GUSB: variants seen among roughly 807,000 people sequenced by gnomAD.
GUSB encodes the protein glucuronidase beta, also known as beta-glucuronidase.
Under a neutral mutation model 74.6 loss-of-function variants are expected in GUSB, and 51 were observed. The ratio of observed to expected loss-of-function variants is 0.68; its 90% CI spans 0.55 to 0.86. The LOEUF is 0.86. Ranked by LOEUF, GUSB falls within the 40% of genes least tolerant of loss-of-function variation. The pLI is 0.00. For synonymous variants in GUSB, 360 were observed against 348.3 expected (o/e 1.03, Z -0.37); for missense variants, 736 against 853.7 (o/e 0.86, Z 1.72).
At position 65,979,886 on chromosome 7, in the gene GUSB, T is replaced by C; in HGVS notation, c.422A>G (p.Glu141Gly). 2 of 1,607,714 alleles carry C rather than the reference T, an allele frequency of 1.2e-6. No homozygotes were observed. Among genetic ancestry groups the C allele is most frequent in the Non-Finnish European group, 1.7e-6 (2 of 1,178,114 alleles). The stretch of plus-strand genomic sequence containing the variant: ...GAAGGGGAGGTAGCCCCCCTCATGC[T>C]CTAGCGTGTCGACCCCATTCACCCA... ...IVWVNGVDTL[E>G]HEGGYLPFEA... The change falls in exon 3 of 12, where the codon GAG (glutamate) becomes GGG (glycine). Residue 141 changes from glutamate to glycine, a missense_variant. Physicochemically the swap from Glu to Gly is moderately conservative, Grantham distance 98 (BLOSUM62 -2). This residue lies in a region of GUSB where 368 missense variants were observed against 363.8 expected (regional missense o/e 1.01). Coordinates refer to ENST00000304895, the MANE Select transcript of GUSB (RefSeq NM_000181.4).
rs2115796001 is a variant in GUSB, at chr7:65,960,824, G to A, written c.*73C>T. Reference sequence around the variant, plus strand: ...CTGGTCTGCCGTGAACAGTCCAGGAGGCACTTGTTCTGCTGCTGTGGAAGT... The same window carrying A: ...CTGGTCTGCCGTGAACAGTCCAGGAAGCACTTGTTCTGCTGCTGTGGAAGT... On this transcript the variant is annotated 3_prime_UTR_variant, in exon 12 of 12. Coordinates refer to ENST00000304895, the MANE Select transcript of GUSB (RefSeq NM_000181.4). 8.0e-7 allele frequency: 1 copy of A among 1,251,204 alleles called. No homozygotes were observed. The highest frequency in any genetic ancestry group is 1.2e-6 in the Non-Finnish European group (1 of 849,550). The allele number at this position is 1,251,204 out of a possible 1,614,324, so 77.5% of individuals were successfully genotyped here.
At chr7:65,971,637 C>G (rs1200086967) in intron 8 of GUSB, among the ~76,000 whole-genome samples, 1 of 151,578 alleles carries the variant, frequency 6.6e-6, no homozygotes, top group Non-Finnish European at 1.5e-5. Context: ...GAGGCTGAGG[C>G]AGAAGAATTG....
intron 4 of GUSB, among the ~76,000 whole-genome samples, chr7:65,977,071 G>A (rs896371878): frequency 1.3e-5 from 2 of 152,022 alleles, no homozygotes; most frequent in South Asian, 2.1e-4. Context: ...AATTCATCAC[G>A]GAAGACTCCC....
At chr7:65,970,952 A>T (rs1302547083) in intron 8 of GUSB, among the ~76,000 whole-genome samples, 2 of 151,728 alleles carry the variant, frequency 1.3e-5, no homozygotes, top group African/African-American at 4.8e-5. Context: ...TTTCTTCCCT[A>T]ACTTGAGATG....
At chr7:65,970,403 TCCAGGAATGGCTCAGACA>T in intron 8 of GUSB, 37 bp from the exon 9 acceptor site, 1 of 1,396,826 alleles carries the variant, frequency 7.2e-7, no homozygotes, top group Non-Finnish European at 1.0e-6. Context: ...GTTCCATCAG[TCCAGGAATGGCTCAGACA>T]CCCTCCCATC....
At chr7:65,979,986 T>C in intron 2 of GUSB, 75 bp from the exon 3 acceptor site, 2 of 1,237,134 alleles carry the variant, frequency 1.6e-6, no homozygotes, top group Non-Finnish European at 2.3e-6. Context: ...GGGCACTCCC[T>C]CACATAACCT....
intron 4 of GUSB, among the ~76,000 whole-genome samples, chr7:65,978,595 C>G (rs1358220490): frequency 2.6e-5 from 4 of 151,640 alleles, no homozygotes; most frequent in Non-Finnish European, 5.9e-5. Context: ...GAGTGAAACC[C>G]TGTCTCTACT....
In GUSB at chr7:65,974,581, C is replaced by T. The variant is rs890162716; in HGVS notation, c.1189G>A (p.Asp397Asn). 8.1e-6 allele frequency: 13 copies of T among 1,614,210 alleles called. No homozygotes were observed. Among genetic ancestry groups the T allele is most frequent in the Middle Eastern group, 1.6e-4 (1 of 6,062 alleles). Residue 397 changes from aspartate (D) to asparagine (N), a missense_variant, in exon 7 of 12, where the codon GAC (aspartate) becomes AAC (asparagine). Asp to Asn is a conservative substitution (Grantham distance 23, BLOSUM62 1). Coordinates refer to ENST00000304895, the MANE Select transcript of GUSB (RefSeq NM_000181.4). ...PYAEEVMQMC[D>N]RYGIVVIDEC... ...TCGATGACCACAATCCCATAGCGGT[C>T]ACACATCTGCATCACTTCCTCTGCA...
Position 65,966,604 on chromosome 7 carries a change from T to TA in GUSB, c.1653+1126dup, listed in dbSNP as rs1430807687. Among the ~76,000 whole-genome samples the TA allele has an allele frequency of 3.9e-5, 6 of 151,908 alleles. No individual in the cohort carries two copies. In the South Asian group the frequency reaches 1.0e-3, roughly 26 times the overall value. ...GGCCAGGAGTTCTAGACCAGCCTGA[T>TA]AGACTCCATCTTTACAAAAAAATTT... On this transcript the variant is annotated intron_variant, in intron 10 of 11. Coordinates refer to ENST00000304895, the MANE Select transcript of GUSB (RefSeq NM_000181.4).
At chr7:65,971,704 C>A (rs1019329218) in intron 8 of GUSB, among the ~76,000 whole-genome samples, 4 of 151,672 alleles carry the variant, frequency 2.6e-5, no homozygotes, top group Non-Finnish European at 5.9e-5. Flanking sequence ...TGCTCTCCAG[C>A]CTGGGCAACA....
chr7:65,964,428 G>A lies in GUSB; in HGVS notation c.1684C>T (p.Gln562Ter). The A allele has an allele frequency of 6.2e-7, 1 of 1,610,886 alleles. No individual in the cohort carries two copies. The change falls in exon 11 of 12, where the codon CAG becomes TAG. Residue 562 changes from glutamine to a stop codon, truncating the protein, a stop_gained. Transcript: ENST00000304895. LOFTEE classifies it high-confidence loss of function. ...TGGTACTGCTCTAGCAGACTTTTCT[G>A]GTACTCTTCAGTGAACATCAGAGGT... ...DPPLMFTEEY[Q>*]KSLLEQYHLG...
chr7:65,966,352 A>G (rs1790834460), intron 10 of GUSB, among the ~76,000 whole-genome samples: 1 of 152,114 alleles, frequency 6.6e-6, no homozygotes, highest in South Asian at 2.1e-4. Context: ...CTGTGTGTCA[A>G]CCAGGAGCTG....
intron 9 of GUSB, among the ~76,000 whole-genome samples, chr7:65,969,118 C>G (rs533429308): frequency 1.3e-5 from 2 of 152,108 alleles, no homozygotes; most frequent in African/African-American, 4.8e-5. Context: ...TGGTGGCTCA[C>G]GCCTGTAATC....
intron 1 of GUSB, among the ~76,000 whole-genome samples, chr7:65,981,395 C>T (rs1437329838): frequency 1.3e-5 from 2 of 151,866 alleles, no homozygotes; most frequent in South Asian, 2.1e-4. Flanking sequence ...CCACACTTGG[C>T]TAATTTTTAT....
intron 5 of GUSB, 125 bp from the exon 6 acceptor site, chr7:65,975,196 GCAAT>G (rs1791489650): frequency 3.7e-6 from 3 of 816,414 alleles, no homozygotes; most frequent in Admixed American, 1.9e-5. Flanking sequence ...CAGAGATGCA[GCAAT>G]CAGAGGTTCT....
rs192492950 is a variant in GUSB at position 65,966,124 on chromosome 7, C to T, written c.1653+1607G>A. 2.7e-4 allele frequency among the ~76,000 whole-genome samples: 41 copies of T among 151,644 alleles called. 1 individual carries two copies. The highest frequency in any genetic ancestry group is 6.8e-3 in the Middle Eastern group (2 of 294). ...GGTGGACATTGCAGTGAGCCGAGAT[C>T]GCGCCACTGCACTCCAGCCTAGGCA... On this transcript the variant is annotated intron_variant, in intron 10 of 11. Transcript: ENST00000304895.
At chr7:65,975,141 G>A (rs866747235) in intron 5 of GUSB, 70 bp from the exon 6 acceptor site, 8 of 1,438,490 alleles carry the variant, frequency 5.6e-6, no homozygotes, top group Middle Eastern at 2.3e-4. Context: ...CCCTCCAGCA[G>A]GAAGGCCCCT....
chr7:65,979,942 T>C (rs1286674196), intron 2 of GUSB, 31 bp from the exon 3 acceptor site: 11 of 1,548,744 alleles, frequency 7.1e-6, no homozygotes, highest in Admixed American at 3.8e-5. Context: ...GGGAGGGGGC[T>C]GCAGGTCAGG....
In GUSB at chr7:65,971,987, C is replaced by T. The variant is rs530303471; in HGVS notation, c.1392-1621G>A. Among the ~76,000 whole-genome samples, 15 of 151,794 alleles carry T rather than the reference C, an allele frequency of 9.9e-5. 1 individual carries two copies. The South Asian group carries it at 1.5e-3, about 15-fold the overall frequency. ...CCAGGAGGCAGAGGTTGTGGTGAGC[C>T]GAGATTGTGCCATTGCACTCCAGCC... On this transcript the variant is annotated intron_variant, in intron 8 of 11. Coordinates refer to ENST00000304895, the MANE Select transcript of GUSB (RefSeq NM_000181.4).
Sources: gnomAD v4.1 joint callset for allele counts (sites outside exome capture counted in the v4.1 genomes callset) on GRCh38, gnomAD v4.1.1 for gene constraint, gnomAD v4.1.1 regional missense constraint, MANE v1.5 for transcripts, NCBI Gene and HGNC (gene_info 2026-07-23, HGNC 2026-07-21) for gene names.